Variants in ST6GALNAC3 observed in about 807,000 individuals in gnomAD.
ST6GALNAC3 encodes ST6 N-acetylgalactosaminide alpha-2,6-sialyltransferase 3, also known as alpha-N-acetylgalactosaminide alpha-2,6-sialyltransferase 3.
Under a neutral mutation model 32.7 loss-of-function variants are expected in ST6GALNAC3, and 25 were observed. That is an observed-to-expected ratio of 0.76 (90% CI 0.56 to 1.07). The LOEUF (loss-of-function observed/expected upper bound fraction) is 1.07, where lower values mean the gene tolerates loss of function less well. Ranked by LOEUF, ST6GALNAC3 falls within the 50% of genes least tolerant of loss-of-function variation. ST6GALNAC3 has a pLI of 0.00. For missense variants in ST6GALNAC3, 355 were observed against 382.4 expected, an observed-to-expected ratio of 0.93 and a Z score of 0.60; for synonymous variants, 129 against 133.1, an observed-to-expected ratio of 0.97 and a Z score of 0.21.
chr1:76,316,909 T>C (rs1397743715), intron 2 of ST6GALNAC3, among the ~76,000 whole-genome samples: 1 of 152,002 alleles, frequency 6.6e-6, no homozygotes, highest in Non-Finnish European at 1.5e-5. Flanking sequence ...AAAGAAGCAA[T>C]GGGATATTAA....
At chr1:76,518,577 T>C (rs746619007) in intron 3 of ST6GALNAC3, among the ~76,000 whole-genome samples, 5 of 152,126 alleles carry the variant, frequency 3.3e-5, no homozygotes, top group Non-Finnish European at 7.4e-5. Flanking sequence ...AACTTACAAT[T>C]TCCAATTCTA....
intron 3 of ST6GALNAC3, among the ~76,000 whole-genome samples, chr1:76,595,321 C>T (rs189149840): frequency 1.3e-5 from 2 of 152,058 alleles, no homozygotes; most frequent in Non-Finnish European, 2.9e-5. Context: ...AGCCTGTTTA[C>T]GCTAAATTCC....
intron 3 of ST6GALNAC3, among the ~76,000 whole-genome samples, chr1:76,516,683 T>C (rs1257785374): frequency 1.3e-5 from 2 of 152,150 alleles, no homozygotes; most frequent in East Asian, 3.9e-4. Flanking sequence ...AGCAAAAAGT[T>C]ACTGTCTTCT....
intron 1 of ST6GALNAC3, among the ~76,000 whole-genome samples, chr1:76,097,379 A>G (rs537731812): frequency 6.6e-6 from 1 of 152,234 alleles, no homozygotes; most frequent in Non-Finnish European, 1.5e-5. Context: ...TTCTCGTGAT[A>G]GTGAGTGAGT....
rs190657302 is a variant in ST6GALNAC3 at position 76,218,151 on chromosome 1, C to T, written c.19-95654C>T. ...CCCACCAAGAGTGTAAAAGTGTTCC[C>T]TTTTCACCACATCCATGCCAATATT... is the stretch of plus-strand genomic sequence containing the variant. On this transcript the variant is annotated intron_variant, in intron 1 of 4. Transcript: ENST00000328299. Among the ~76,000 whole-genome samples the T allele has an allele frequency of 5.3e-5, 8 of 152,120 alleles. No individual in the cohort carries two copies. In the East Asian group the frequency reaches 5.8e-4, roughly 11 times the overall value.
intron 2 of ST6GALNAC3, among the ~76,000 whole-genome samples, chr1:76,341,595 T>A (rs1033210023): frequency 6.6e-6 from 1 of 151,100 alleles, no homozygotes; most frequent in African/African-American, 2.4e-5. Flanking sequence ...TTCAGAAATC[T>A]CCAAACTGCT....
At chr1:76,188,531 G>C (rs1290213786) in intron 1 of ST6GALNAC3, among the ~76,000 whole-genome samples, 1 of 152,090 alleles carries the variant, frequency 6.6e-6, no homozygotes, top group Non-Finnish European at 1.5e-5. Flanking sequence ...AAGCACTTGG[G>C]CCTGGTCAGT....
intron 3 of ST6GALNAC3, among the ~76,000 whole-genome samples, chr1:76,527,771 C>T (rs1183476600): frequency 1.3e-5 from 2 of 152,136 alleles, no homozygotes; most frequent in Non-Finnish European, 1.5e-5. Flanking sequence ...GCCAGAATAG[C>T]ACTCATGAGT....
intron 3 of ST6GALNAC3, among the ~76,000 whole-genome samples, chr1:76,511,281 G>A (rs542208688): frequency 1.6e-4 from 25 of 152,314 alleles, no homozygotes; most frequent in South Asian, 8.3e-4. Flanking sequence ...TCAAGTGTCT[G>A]ACCTCAGTCC....
In ST6GALNAC3 at chr1:76,270,869, G is replaced by T. The variant is rs141183087; in HGVS notation, c.19-42936G>T. Among the ~76,000 whole-genome samples the T allele has an allele frequency of 6.6e-5, 10 of 152,284 alleles. No individual in the cohort carries two copies. The East Asian group carries it at 1.9e-3, about 29-fold the overall frequency. ...AAGCAGCTCAGGTTTTGGGGGCAGG[G>T]GCTGACCTTTTCTAGTCTTTGAAAG... On this transcript the variant is annotated intron_variant, in intron 1 of 4. Coordinates refer to ENST00000328299, the MANE Select transcript of ST6GALNAC3 (RefSeq NM_152996.4).
At chr1:76,102,174 T>C (rs1282900408) in intron 1 of ST6GALNAC3, among the ~76,000 whole-genome samples, 1 of 152,076 alleles carries the variant, frequency 6.6e-6, no homozygotes, top group Non-Finnish European at 1.5e-5. Flanking sequence ...TTACAGTCTA[T>C]CTTATCTGAT....
chr1:76,168,886 G>T (rs1414303414), intron 1 of ST6GALNAC3, among the ~76,000 whole-genome samples: 1 of 152,076 alleles, frequency 6.6e-6, no homozygotes, highest in East Asian at 1.9e-4. Flanking sequence ...GCATATCAAT[G>T]AGTCTTGGTT....
In ST6GALNAC3 at chr1:76,630,787, T is replaced by C. The variant is rs1649257552; in HGVS notation, c.*1981T>C. On this transcript the variant is annotated 3_prime_UTR_variant, in exon 5 of 5. Transcript: ENST00000328299. ...TTGTTATTCTTTTGTTGTTCCCTTA[T>C]GCAATTTTTAATTCTATGAATGTTA... The C allele has an allele frequency of 9.1e-6, 9 of 985,576 alleles. No homozygotes were observed. Among genetic ancestry groups the C allele is most frequent in the Non-Finnish European group, 1.1e-5 (9 of 829,846 alleles). The allele number at this position is 985,576 out of a possible 1,614,324, so 61.1% of individuals were successfully genotyped here.
chr1:76,406,973 A>G (rs370277569), intron 2 of ST6GALNAC3, among the ~76,000 whole-genome samples: 97 of 152,206 alleles, frequency 6.4e-4, no homozygotes, highest in African/African-American at 2.2e-3. Context: ...GCATTCAATC[A>G]TGTGTATATC....
intron 3 of ST6GALNAC3, among the ~76,000 whole-genome samples, chr1:76,491,219 G>A (rs1006779721): frequency 1.3e-5 from 2 of 152,046 alleles, no homozygotes; most frequent in African/African-American, 4.8e-5. Context: ...AGACCATTTG[G>A]AGTTGAAGCA....
chr1:76,404,185 C>T (rs1448167096), intron 2 of ST6GALNAC3, among the ~76,000 whole-genome samples: 3 of 152,052 alleles, frequency 2.0e-5, no homozygotes, highest in Non-Finnish European at 4.4e-5. Flanking sequence ...ATCCCAAATC[C>T]ACATAGAGTC....
chr1:76,146,012 G>A (rs567489423), intron 1 of ST6GALNAC3, among the ~76,000 whole-genome samples: 1 of 152,262 alleles, frequency 6.6e-6, no homozygotes, highest in African/African-American at 2.4e-5. Flanking sequence ...TTTTGAAAAC[G>A]TATGGCCATC....
chr1:76,239,215 G>A (rs922619299), intron 1 of ST6GALNAC3, among the ~76,000 whole-genome samples: 3 of 151,994 alleles, frequency 2.0e-5, no homozygotes, highest in African/African-American at 7.2e-5. Flanking sequence ...AAAGATAGAA[G>A]GGTGATGCTC....
intron 1 of ST6GALNAC3, among the ~76,000 whole-genome samples, chr1:76,114,589 G>A (rs1571186091): frequency 6.6e-6 from 1 of 152,178 alleles, no homozygotes; most frequent in East Asian, 1.9e-4. Context: ...TGCAACTGAA[G>A]AAAAGACCTA....
Sources: allele counts gnomAD v4.1 joint callset (sites outside exome capture counted in the v4.1 genomes callset), GRCh38; gene constraint gnomAD v4.1.1; transcripts MANE v1.5; gene names NCBI Gene and HGNC (gene_info 2026-07-23, HGNC 2026-07-21).